FGGY: variants seen among roughly 807,000 people sequenced by gnomAD.
FGGY encodes FGGY carbohydrate kinase domain-containing protein.
In FGGY, 72 loss-of-function variants were observed where a neutral mutation model predicts 71.3. That is an observed-to-expected ratio of 1.01 (90% confidence interval 0.84 to 1.23). The LOEUF (loss-of-function observed/expected upper bound fraction) is 1.23. Ranked by LOEUF, FGGY falls within the 50% of genes most tolerant of loss-of-function variation. The pLI, the probability that FGGY is intolerant of heterozygous loss-of-function variation, is 0.00. For missense variants in FGGY, 668 were observed against 682.3 expected (o/e 0.98, Z 0.23); for synonymous variants, 251 against 250.3 (o/e 1.00, Z -0.02).
At chr1:59,604,451 C>A (rs1336395390) in intron 8 of FGGY, among the ~76,000 whole-genome samples, 1 of 152,132 alleles carries the variant, frequency 6.6e-6, no homozygotes, top group Non-Finnish European at 1.5e-5. Flanking sequence ...TGAGTGGGCA[C>A]AAACAGAGGT....
intron 9 of FGGY, among the ~76,000 whole-genome samples, chr1:59,613,352 A>G (rs1220786666): frequency 6.6e-6 from 1 of 152,158 alleles, no homozygotes; most frequent in African/African-American, 2.4e-5. Flanking sequence ...CTCACTCAAA[A>G]CCACTCAACT....
At chr1:59,448,343 G>T (rs2071804922) in intron 5 of FGGY, among the ~76,000 whole-genome samples, 1 of 152,148 alleles carries the variant, frequency 6.6e-6, no homozygotes, top group Non-Finnish European at 1.5e-5. Flanking sequence ...AGGAAAGAAG[G>T]TCTGCTAGAG....
intron 9 of FGGY, among the ~76,000 whole-genome samples, chr1:59,622,879 G>A (rs2096823659): frequency 6.6e-6 from 1 of 152,068 alleles, no homozygotes; most frequent in South Asian, 2.1e-4. Context: ...GTTTCTACCT[G>A]GTTTTGGCCA....
At chr1:59,489,804 T>C (rs905257059) in intron 6 of FGGY, among the ~76,000 whole-genome samples, 1 of 152,170 alleles carries the variant, frequency 6.6e-6, no homozygotes. Context: ...CTGTTCCCCA[T>C]AATGGCTCTT....
At chr1:59,495,194 T>C (rs148563244) in intron 6 of FGGY, among the ~76,000 whole-genome samples, 1 of 152,350 alleles carries the variant, frequency 6.6e-6, no homozygotes, top group African/African-American at 2.4e-5. Flanking sequence ...TTTTCGCTTG[T>C]TAATTTGCTT....
At chr1:59,593,289 A>G (rs368720195) in intron 8 of FGGY, among the ~76,000 whole-genome samples, 27 of 152,358 alleles carry the variant, frequency 1.8e-4, no homozygotes, top group South Asian at 1.7e-3. Flanking sequence ...TTACAAGGCA[A>G]TCAACATATA....
At chr1:59,466,596 A>C (rs2092645261) in intron 6 of FGGY, among the ~76,000 whole-genome samples, 1 of 152,228 alleles carries the variant, frequency 6.6e-6, no homozygotes, top group African/African-American at 2.4e-5. Context: ...AAATTTTCAC[A>C]ACCTGCTCAT....
chr1:59,480,473 G>A lies in FGGY; in HGVS notation c.670+23397G>A, dbSNP rs150411531. On this transcript the variant is annotated intron_variant, in intron 6 of 15. Coordinates refer to ENST00000303721, the MANE Select transcript of FGGY (RefSeq NM_018291.5). Reference sequence around the variant, plus strand: ...CAGTGTTAACTCTGAAACCTCACTCGGTCTCTTCTGCCTACATGTCAATGG... The same window carrying A: ...CAGTGTTAACTCTGAAACCTCACTCAGTCTCTTCTGCCTACATGTCAATGG... 3.9e-3 allele frequency among the ~76,000 whole-genome samples: 590 copies of A among 152,196 alleles called. 7 individuals are homozygous for A. The highest frequency in any genetic ancestry group is 0.013 in the African/African-American group (560 of 41,522).
chr1:59,678,201 A>G (rs2097455641), intron 14 of FGGY, among the ~76,000 whole-genome samples: 1 of 152,188 alleles, frequency 6.6e-6, no homozygotes, highest in East Asian at 1.9e-4. Context: ...AAATTTAGCT[A>G]TTGAATAAGT....
intron 8 of FGGY, among the ~76,000 whole-genome samples, chr1:59,561,191 A>T (rs980015109): frequency 6.6e-6 from 1 of 152,154 alleles, no homozygotes; most frequent in African/African-American, 2.4e-5. Context: ...GTGGAGTGGG[A>T]TGGGATTCCA....
At chr1:59,630,084 G>A (rs1383745027) in intron 10 of FGGY, among the ~76,000 whole-genome samples, 2 of 151,992 alleles carry the variant, frequency 1.3e-5, no homozygotes. Context: ...TTCTTCACAT[G>A]GTGGCAAGAG....
At chr1:59,331,286 A>G (rs984859639) in intron 2 of FGGY, among the ~76,000 whole-genome samples, 5 of 152,300 alleles carry the variant, frequency 3.3e-5, no homozygotes, top group Non-Finnish European at 5.9e-5. Context: ...TCAAATGGCA[A>G]TACCATACCT....
intron 9 of FGGY, among the ~76,000 whole-genome samples, chr1:59,624,612 T>A (rs1156232626): frequency 6.6e-6 from 1 of 152,102 alleles, no homozygotes; most frequent in East Asian, 1.9e-4. Context: ...TAGTTCCACA[T>A]GGCTGGGGAG....
intron 8 of FGGY, among the ~76,000 whole-genome samples, chr1:59,590,752 A>G (rs1008667050): frequency 1.3e-5 from 2 of 152,240 alleles, no homozygotes; most frequent in African/African-American, 4.8e-5. Flanking sequence ...CTTATGCTAA[A>G]AACTCTCAAT....
chr1:59,758,270 A>G (rs1276720759), intron 15 of FGGY, among the ~76,000 whole-genome samples: 1 of 152,198 alleles, frequency 6.6e-6, no homozygotes, highest in African/African-American at 2.4e-5. Flanking sequence ...TCTCTGTTCT[A>G]AAGTAGGGAT....
At chr1:59,445,621 G>A (rs1297192124) in intron 5 of FGGY, among the ~76,000 whole-genome samples, 6 of 152,062 alleles carry the variant, frequency 3.9e-5, no homozygotes, top group Non-Finnish European at 7.4e-5. Context: ...CACATCTCCC[G>A]AACACCCTTT....
intron 11 of FGGY, among the ~76,000 whole-genome samples, chr1:59,659,249 G>A (rs1359648422): frequency 6.6e-6 from 1 of 152,140 alleles, no homozygotes; most frequent in Non-Finnish European, 1.5e-5. Flanking sequence ...ACTGAATGGT[G>A]CCTGTGCACT....
At chr1:59,536,089 G>C (rs1381962751) in intron 7 of FGGY, among the ~76,000 whole-genome samples, 1 of 151,296 alleles carries the variant, frequency 6.6e-6, no homozygotes, top group Non-Finnish European at 1.5e-5. Context: ...CCTCTAGCAA[G>C]AGTAATAAGG....
At chr1:59,484,955 T>G (rs2093613790) in intron 6 of FGGY, among the ~76,000 whole-genome samples, 1 of 152,202 alleles carries the variant, frequency 6.6e-6, no homozygotes, top group African/African-American at 2.4e-5. Context: ...AGACATCTTT[T>G]TAAAAAATCA....
Sources: allele counts gnomAD v4.1 joint callset (sites outside exome capture counted in the v4.1 genomes callset), GRCh38; gene constraint gnomAD v4.1.1; transcripts MANE v1.5; gene names NCBI Gene and HGNC (gene_info 2026-07-23, HGNC 2026-07-21).